CFAP58: variants seen among roughly 807,000 people sequenced by gnomAD.
CFAP58 encodes the protein cilia and flagella associated protein 58.
Under a neutral mutation model 119.5 loss-of-function variants are expected in CFAP58, and 88 were observed. The ratio of observed to expected loss-of-function variants is 0.74; its 90% CI spans 0.62 to 0.88. The LOEUF (loss-of-function observed/expected upper bound fraction) is 0.88, where lower values mean the gene tolerates loss of function less well. Among genes scored for constraint, CFAP58 ranks in the 40% least tolerant of loss-of-function variants. CFAP58 has a pLI of 0.00. For missense variants in CFAP58, 990 were observed against 1,021.2 expected (o/e 0.97, Z 0.42); for synonymous variants, 365 against 366.3 (o/e 1.00, Z 0.04).
rs1321411764 is a variant in CFAP58, at chr10:104,392,449, AAC to A, written c.1527+57_1527+58del. 4 of 1,302,598 alleles carry A rather than the reference AAC, an allele frequency of 3.1e-6. No individual in the cohort carries two copies. The African/African-American group carries it at 6.1e-5, about 20-fold the overall frequency. The allele number at this position is 1,302,598 out of a possible 1,614,324, so 80.7% of individuals were successfully genotyped here. On this transcript the variant is annotated intron_variant, in intron 10 of 17. Transcript: ENST00000369704. Reference sequence around the variant, plus strand: ...TGATTTATTTTTACCCTGCATTTAAAACAGTTTCTGTTATCCTAATGGCAGAA... The same window carrying A: ...TGATTTATTTTTACCCTGCATTTAAAAGTTTCTGTTATCCTAATGGCAGAA...
chr10:104,367,431 T>C (rs1014304501), intron 5 of CFAP58, among the ~76,000 whole-genome samples: 1 of 152,162 alleles, frequency 6.6e-6, no homozygotes, highest in Non-Finnish European at 1.5e-5. Flanking sequence ...GATATAAATA[T>C]ACTTTTTTTT....
chr10:104,391,319 TC>T (rs1443719990), intron 9 of CFAP58, among the ~76,000 whole-genome samples: 2 of 152,172 alleles, frequency 1.3e-5, no homozygotes, highest in African/African-American at 2.4e-5. Context: ...TGTCCCCTTT[TC>T]CTCCATGCTC....
chr10:104,384,635 G>A (rs11192029), intron 9 of CFAP58, among the ~76,000 whole-genome samples: 24,711 of 152,226 alleles, frequency 0.16, 2,177 homozygotes, highest in Middle Eastern at 0.32. Context: ...GACTATCAGC[G>A]ATTTCATAAG....
chr10:104,372,581 C>T (rs1032333015), intron 7 of CFAP58, among the ~76,000 whole-genome samples: 10 of 152,032 alleles, frequency 6.6e-5, no homozygotes, highest in Non-Finnish European at 1.2e-4. Context: ...TTAAATATTT[C>T]GATTTTATTC....
chr10:104,400,927 C>A, intron 13 of CFAP58, 24 bp downstream of exon 13: 1 of 1,575,534 alleles, frequency 6.3e-7, no homozygotes, highest in Non-Finnish European at 8.7e-7. Flanking sequence ...GAACTCAGGG[C>A]TGAAGGCACA....
chr10:104,417,971 G>T (rs935979633), intron 15 of CFAP58, among the ~76,000 whole-genome samples: 1 of 152,130 alleles, frequency 6.6e-6, no homozygotes, highest in Non-Finnish European at 1.5e-5. Flanking sequence ...GTTTTTATAT[G>T]GCCTGCACCA....
chr10:104,358,023 A>G (rs926345758), intron 1 of CFAP58, among the ~76,000 whole-genome samples: 1 of 74,336 alleles, frequency 1.3e-5, no homozygotes, highest in South Asian at 3.3e-4. Flanking sequence ...ATATGTACAT[A>G]TATATACATA....
intron 2 of CFAP58, among the ~76,000 whole-genome samples, chr10:104,360,995 A>G (rs2014659039): frequency 1.3e-5 from 2 of 152,180 alleles, no homozygotes; most frequent in East Asian, 3.9e-4. Context: ...TCACTATCAC[A>G]AGGACAGTAC....
At chr10:104,358,086 C>CACACACATATATGTACATATAT (rs1564876558) in intron 1 of CFAP58, among the ~76,000 whole-genome samples, 25 of 136,946 alleles carry the variant, frequency 1.8e-4, no homozygotes, top group African/African-American at 7.0e-4. Context: ...CATATATATA[C>CACACACATATATGTACATATAT]ACACATATAT....
Position 104,434,623 on chromosome 10 carries a change from C to A in CFAP58, c.2257-13075C>A, listed in dbSNP as rs559332989. Among the ~76,000 whole-genome samples, 3 of 152,154 alleles carry A rather than the reference C, an allele frequency of 2.0e-5. No individual in the cohort carries two copies. The East Asian group carries it at 5.8e-4, about 29-fold the overall frequency. ...AGATTCTAGAGAGAGAGAGTCAGGG[C>A]GAGAAACTCATGGATTCAGCCAGGT... On this transcript the variant is annotated intron_variant, in intron 15 of 17. Coordinates refer to ENST00000369704, the MANE Select transcript of CFAP58 (RefSeq NM_001008723.2).
At chr10:104,398,649 C>T (rs73335170) in intron 11 of CFAP58, among the ~76,000 whole-genome samples, 3 of 152,164 alleles carry the variant, frequency 2.0e-5, no homozygotes, top group Admixed American at 2.0e-4. Flanking sequence ...CTGCTACCCC[C>T]AGTCTAATGA....
At chr10:104,367,887 C>T (rs112546167) in intron 5 of CFAP58, among the ~76,000 whole-genome samples, 8 of 152,332 alleles carry the variant, frequency 5.3e-5, no homozygotes, top group Admixed American at 1.3e-4. Flanking sequence ...TGCACTCAAG[C>T]AGATATAAAT....
At chr10:104,423,931 A>G (rs886092432) in intron 15 of CFAP58, among the ~76,000 whole-genome samples, 4 of 152,216 alleles carry the variant, frequency 2.6e-5, no homozygotes, top group African/African-American at 9.6e-5. Context: ...TGGAGCAGAA[A>G]TTAATTTGTA....
rs777981562 is a variant in CFAP58, at chr10:104,392,263, C to A, written c.1396C>A (p.Arg466Ser). ...VLMNMEDIKV[R>S]ETQIFDYRKK... The stretch of plus-strand genomic sequence containing the variant: ...TATGAACATGGAAGACATAAAAGTT[C>A]GTGAAACACAGATTTTTGACTACAG... The change falls in exon 10 of 18, where the codon CGT (arginine) becomes AGT (serine). Residue 466 changes from arginine (R) to serine (S), a missense_variant. Physicochemically the swap from Arg to Ser is moderately radical, Grantham distance 110 (BLOSUM62 -1). Coordinates refer to ENST00000369704, the MANE Select transcript of CFAP58 (RefSeq NM_001008723.2). 2 of 1,611,140 alleles carry A rather than the reference C, an allele frequency of 1.2e-6. No individual in the cohort carries two copies. Among genetic ancestry groups the A allele is most frequent in the Non-Finnish European group, 1.7e-6 (2 of 1,179,056 alleles).
chr10:104,425,192 G>T lies in CFAP58; in HGVS notation c.2256+18399G>T, dbSNP rs766413716. ...TGGTGGTGGTGTTGGTGTAGAAAAG[G>T]CCCATGGAAGCACATGGGCAGAATA... On this transcript the variant is annotated intron_variant, in intron 15 of 17. Transcript: ENST00000369704. 2.6e-5 allele frequency among the ~76,000 whole-genome samples: 4 copies of T among 152,228 alleles called. No individual in the cohort carries two copies. The East Asian group carries it at 5.8e-4, about 22-fold the overall frequency.
intron 15 of CFAP58, among the ~76,000 whole-genome samples, chr10:104,421,168 T>C (rs1477948505): frequency 2.0e-5 from 3 of 152,206 alleles, no homozygotes; most frequent in Non-Finnish European, 4.4e-5. Context: ...AGGGGTGATG[T>C]ATATTAAGTG....
chr10:104,342,026 G>C, the CFAP58 span, among the ~76,000 whole-genome samples: 1 of 152,212 alleles, frequency 6.6e-6, no homozygotes, highest in African/African-American at 2.4e-5. Context: ...AATTTTTATA[G>C]TGTCTAAGAC....
chr10:104,372,122 G>T (rs1216857901), intron 7 of CFAP58, among the ~76,000 whole-genome samples: 2 of 152,134 alleles, frequency 1.3e-5, no homozygotes, highest in African/African-American at 2.4e-5. Context: ...GGAGGCCAAG[G>T]CAGGCGGATC....
At chr10:104,403,073 C>G (rs1272766548) in intron 13 of CFAP58, among the ~76,000 whole-genome samples, 3 of 152,210 alleles carry the variant, frequency 2.0e-5, no homozygotes, top group Non-Finnish European at 4.4e-5. Context: ...AATGGTCTGA[C>G]TCTGTGTCCC....
Sources: allele counts gnomAD v4.1 joint callset (sites outside exome capture counted in the v4.1 genomes callset), GRCh38; gene constraint gnomAD v4.1.1; transcripts MANE v1.5; gene names NCBI Gene and HGNC (gene_info 2026-07-23, HGNC 2026-07-21).